The following VPS41 variants were observed in gnomAD, a reference collection of about 807,000 sequenced individuals.
VPS41 encodes the protein vacuolar protein sorting-associated protein 41 homolog.
Under a neutral mutation model 130.9 loss-of-function variants are expected in VPS41, and 85 were observed. The ratio of observed to expected loss-of-function variants is 0.65; its 90% CI spans 0.55 to 0.78. VPS41 has a LOEUF of 0.78. Among genes scored for constraint, VPS41 ranks in the 30% least tolerant of loss-of-function variants. The pLI, the probability that VPS41 is intolerant of heterozygous loss-of-function variation, is 0.00. For missense variants in VPS41, 874 were observed against 1,018.7 expected, an observed-to-expected ratio of 0.86 and a Z score of 1.93; for synonymous variants, 335 against 332.9, an observed-to-expected ratio of 1.01 and a Z score of -0.07.
chr7:38,780,046 C>T (rs1451104833), intron 10 of VPS41, among the ~76,000 whole-genome samples: 4 of 151,968 alleles, frequency 2.6e-5, no homozygotes, highest in Non-Finnish European at 1.5e-5. Flanking sequence ...GCTGTCAGTT[C>T]TAATACTACA....
rs965419690 is a variant in VPS41 at position 38,856,354 on chromosome 7, C to T, written c.246+6191G>A. Among the ~76,000 whole-genome samples the T allele has an allele frequency of 3.9e-5, 6 of 152,162 alleles. 1 individual carries two copies. Among genetic ancestry groups the T allele is most frequent in the Admixed American group, 2.0e-4 (3 of 15,286 alleles). On this transcript the variant is annotated intron_variant, in intron 4 of 28. Coordinates refer to ENST00000310301, the MANE Select transcript of VPS41 (RefSeq NM_014396.4). ...AAGTCCCCAATTCTAAATACCATCA[C>T]ATTGAGGGTTAGGACCTCAACATAT... is the stretch of plus-strand genomic sequence containing the variant.
At chr7:38,797,240 TA>T (rs1306843621) in intron 7 of VPS41, among the ~76,000 whole-genome samples, 16 of 152,240 alleles carry the variant, frequency 1.1e-4, no homozygotes, top group African/African-American at 3.1e-4. Context: ...AAACCTCTTT[TA>T]AGTTTTTCAC....
At chr7:38,902,582 G>A (rs967950566) in intron 1 of VPS41, among the ~76,000 whole-genome samples, 1 of 152,126 alleles carries the variant, frequency 6.6e-6, no homozygotes, top group African/African-American at 2.4e-5. Context: ...AGGACAGAAT[G>A]CACTCCACCA....
At chr7:38,852,764 A>C (rs1562610380) in intron 4 of VPS41, among the ~76,000 whole-genome samples, 1 of 152,216 alleles carries the variant, frequency 6.6e-6, no homozygotes, top group Non-Finnish European at 1.5e-5. Flanking sequence ...TATTATTAAC[A>C]AAACAAACTC....
chr7:38,769,541 G>A (rs1224762789), intron 14 of VPS41, among the ~76,000 whole-genome samples: 2 of 152,036 alleles, frequency 1.3e-5, no homozygotes, highest in Non-Finnish European at 2.9e-5. Context: ...GTTTAAAATA[G>A]GATTCATCAT....
intron 2 of VPS41, among the ~76,000 whole-genome samples, chr7:38,893,944 A>G (rs948408822): frequency 3.9e-5 from 6 of 152,210 alleles, no homozygotes; most frequent in Non-Finnish European, 7.3e-5. Context: ...TAAGACCTTC[A>G]GATAAATTTA....
chr7:38,809,833 A>G (rs1407186596), intron 7 of VPS41, among the ~76,000 whole-genome samples: 1 of 152,226 alleles, frequency 6.6e-6, no homozygotes, highest in East Asian at 1.9e-4. Flanking sequence ...AAGTAGTAGA[A>G]CCAGTTATTA....
At chr7:38,776,375 G>C (rs1316830885) in intron 11 of VPS41, among the ~76,000 whole-genome samples, 1 of 152,182 alleles carries the variant, frequency 6.6e-6, no homozygotes, top group Non-Finnish European at 1.5e-5. Context: ...CTAATGCACA[G>C]TGTCAGCTTA....
At chr7:38,891,096 T>C (rs1786856797) in intron 2 of VPS41, among the ~76,000 whole-genome samples, 1 of 152,272 alleles carries the variant, frequency 6.6e-6, no homozygotes, top group African/African-American at 2.4e-5. Flanking sequence ...ACAATAAAAT[T>C]GGCTAAGAAA....
intron 6 of VPS41, among the ~76,000 whole-genome samples, chr7:38,820,573 T>A (rs1457418663): frequency 6.6e-6 from 1 of 152,240 alleles, no homozygotes; most frequent in East Asian, 1.9e-4. Context: ...TTCTTAAATA[T>A]TTAGTAATTT....
intron 1 of VPS41, among the ~76,000 whole-genome samples, chr7:38,900,845 A>G (rs1787124854): frequency 6.6e-6 from 1 of 152,250 alleles, no homozygotes; most frequent in African/African-American, 2.4e-5. Flanking sequence ...AAAGCAATGC[A>G]TGAGTGATGT....
chr7:38,894,369 C>G (rs1485908732), intron 2 of VPS41, among the ~76,000 whole-genome samples: 1 of 151,692 alleles, frequency 6.6e-6, no homozygotes, highest in African/African-American at 2.4e-5. Context: ...CTTTGCTGGT[C>G]CATAAACTCA....
intron 4 of VPS41, among the ~76,000 whole-genome samples, chr7:38,830,673 C>G (rs1363693301): frequency 6.6e-6 from 1 of 152,230 alleles, no homozygotes; most frequent in East Asian, 1.9e-4. Flanking sequence ...GCTCCCAGAC[C>G]TCAAAAAGGC....
rs1025970637 is a variant in VPS41, at chr7:38,724,212, C to A, written c.*2034G>T. On this transcript the variant is annotated 3_prime_UTR_variant, in exon 29 of 29. Transcript: ENST00000310301. Reference sequence around the variant, plus strand: ...TAACTAGGATAATTTACCCCTGAAGCAAAATGACTTCACTGAAATTAGCAA... The same window carrying A: ...TAACTAGGATAATTTACCCCTGAAGAAAAATGACTTCACTGAAATTAGCAA... 1.4e-4 allele frequency: 22 copies of A among 152,102 alleles called. No individual in the cohort carries two copies. Among genetic ancestry groups the A allele is most frequent in the Non-Finnish European group, 5.9e-5 (4 of 68,026 alleles). 9.4% of individuals were successfully genotyped at this position (152,102 alleles called of 1,614,324 possible).
chr7:38,863,263 A>G (rs1584433944), intron 3 of VPS41, among the ~76,000 whole-genome samples: 1 of 152,202 alleles, frequency 6.6e-6, no homozygotes, highest in Non-Finnish European at 1.5e-5. Context: ...CGTAAGTCCT[A>G]CTGTTTCTTT....
At chr7:38,738,344 C>T (rs907870813) in intron 25 of VPS41, among the ~76,000 whole-genome samples, 7 of 152,174 alleles carry the variant, frequency 4.6e-5, no homozygotes, top group Non-Finnish European at 8.8e-5. Flanking sequence ...TCATCACCTT[C>T]CCAGACTGGC....
intron 2 of VPS41, among the ~76,000 whole-genome samples, chr7:38,891,740 C>T (rs1034978371): frequency 2.0e-5 from 3 of 152,074 alleles, no homozygotes; most frequent in Non-Finnish European, 4.4e-5. Context: ...AAAATTAATG[C>T]CATTAATCAA....
At chr7:38,768,053 A>C (rs1334786920) in intron 14 of VPS41, among the ~76,000 whole-genome samples, 1 of 152,220 alleles carries the variant, frequency 6.6e-6, no homozygotes, top group African/African-American at 2.4e-5. Context: ...CTATCATACT[A>C]AAGGAAATAG....
chr7:38,849,996 A>G (rs1785815730), intron 4 of VPS41, among the ~76,000 whole-genome samples: 1 of 152,226 alleles, frequency 6.6e-6, no homozygotes, highest in South Asian at 2.1e-4. Flanking sequence ...ACTGTAAATG[A>G]GAAGACTGAT....
Sources: gnomAD v4.1 joint callset for allele counts (sites outside exome capture counted in the v4.1 genomes callset) on GRCh38, gnomAD v4.1.1 for gene constraint, MANE v1.5 for transcripts, NCBI Gene and HGNC (gene_info 2026-07-23, HGNC 2026-07-21) for gene names.